The following CP variants were observed in gnomAD, a reference collection of about 807,000 sequenced individuals.
CP encodes caeruloplasmin.
A neutral mutation model predicts 122.4 loss-of-function variants in CP; 64 were observed. The ratio of observed to expected loss-of-function variants is 0.52; its 90% CI spans 0.43 to 0.64. The LOEUF (loss-of-function observed/expected upper bound fraction) is 0.64. Among genes scored for constraint, CP ranks in the 30% least tolerant of loss-of-function variants. The pLI is 0.00. For missense variants in CP, 1,167 were observed against 1,284.4 expected (o/e 0.91, Z 1.40); for synonymous variants, 440 against 436.4 (o/e 1.01, Z -0.10).
At chr3:149,215,085 A>G (rs1411433927) in intron 1 of CP, among the ~76,000 whole-genome samples, 1 of 152,216 alleles carries the variant, frequency 6.6e-6, no homozygotes, top group Non-Finnish European at 1.5e-5. Context: ...TGGAGACTTT[A>G]CTCCATGCTT....
At chr3:149,166,815 A>T (rs1172742086) in intron 4 of CP, among the ~76,000 whole-genome samples, 2 of 152,326 alleles carry the variant, frequency 1.3e-5, no homozygotes, top group East Asian at 3.9e-4. Flanking sequence ...TTTAAAAATG[A>T]TTGCTTTCTA....
At chr3:149,188,268 T>C in intron 9 of CP, 66 bp from the exon 10 acceptor site, 4 of 1,318,704 alleles carry the variant, frequency 3.0e-6, no homozygotes, top group Non-Finnish European at 4.3e-6. Context: ...ATGTGCACAA[T>C]ACTATTTATG....
intron 1 of CP, among the ~76,000 whole-genome samples, chr3:149,221,306 G>C (rs1728793341): frequency 6.6e-6 from 1 of 152,036 alleles, no homozygotes; most frequent in Non-Finnish European, 1.5e-5. Flanking sequence ...CCATTAAATG[G>C]TGCAATAAAC....
chr3:149,168,054 G>A (rs1724607737), downstream of CP: 5 of 920,202 alleles, frequency 5.4e-6, no homozygotes, highest in East Asian at 9.9e-5. Context: ...GCCTTCTTAA[G>A]TATTTTCATG....
intron 9 of CP, 147 bp from the exon 10 acceptor site, chr3:149,188,349 A>G (rs1340117752): frequency 1.5e-6 from 1 of 669,720 alleles, no homozygotes; most frequent in African/African-American, 1.8e-5. Flanking sequence ...GGTTCCTGAA[A>G]TATTTCAGTT....
At chr3:149,213,631 GGTGTGTGTGTGTGTGTGTGTGT>G (rs71135672) in intron 1 of CP, among the ~76,000 whole-genome samples, 1 of 143,748 alleles carries the variant, frequency 7.0e-6, no homozygotes, top group South Asian at 2.3e-4. Flanking sequence ...CATCATCATG[GGTGTGTGTGTGTGTGTGTGTGT>G]GTGTGTGTGT....
At position 149,207,602 on chromosome 3, in the gene CP, G is replaced by C. The variant is rs928461272; in HGVS notation, c.797C>G (p.Thr266Ser). Residue 266 changes from threonine to serine, a missense_variant, in exon 5 of 19, where the codon ACT (threonine) becomes AGT (serine). Thr to Ser is a moderately conservative substitution (Grantham distance 58). Coordinates refer to ENST00000264613, the MANE Select transcript of CP (RefSeq NM_000096.4). ...SNRMYSVNGY[T>S]FGSLPGLSMC... ...GGAGAGTCCTGGGAGACTTCCAAAA[G>C]TGTATCCATTCACAGCTGTAAGTCA... is the stretch of plus-strand genomic sequence containing the variant. 2.4e-5 allele frequency: 39 copies of C among 1,613,900 alleles called. No individual in the cohort carries two copies. Among genetic ancestry groups the C allele is most frequent in the Non-Finnish European group, 3.3e-5 (39 of 1,179,792 alleles).
chr3:149,220,412 C>T (rs948216014), intron 1 of CP, among the ~76,000 whole-genome samples: 1 of 151,706 alleles, frequency 6.6e-6, no homozygotes, highest in African/African-American at 2.4e-5. Context: ...ATACTGAATC[C>T]ATGCAAAATA....
downstream of CP, chr3:149,167,824 C>T (rs1724578490): frequency 6.4e-6 from 6 of 943,324 alleles, no homozygotes; most frequent in Non-Finnish European, 1.1e-5. Flanking sequence ...GCACAATCTT[C>T]TTATTCTCCT....
chr3:149,173,845 A>T, intron 18 of CP, 115 bp from the exon 19 acceptor site: 2 of 532,834 alleles, frequency 3.8e-6, no homozygotes, highest in South Asian at 5.2e-5. Context: ...TGATTCATTT[A>T]TATTTTTCTG....
chr3:149,163,905 T>C (rs755612681), intron 5 of CP: 6 of 1,580,232 alleles, frequency 3.8e-6, no homozygotes, highest in Non-Finnish European at 5.2e-6. Flanking sequence ...ATCATCTGAT[T>C]CTTTAGCTGA....
At chr3:149,219,995 G>A (rs999555167) in intron 1 of CP, among the ~76,000 whole-genome samples, 3 of 152,122 alleles carry the variant, frequency 2.0e-5, no homozygotes, top group Non-Finnish European at 2.9e-5. Context: ...AAATTACTCA[G>A]TCTTGAGTAT....
intron 6 of CP, among the ~76,000 whole-genome samples, chr3:149,205,529 G>A (rs1727650940): frequency 6.6e-6 from 1 of 151,668 alleles, no homozygotes; most frequent in African/African-American, 2.4e-5. Flanking sequence ...AACAAAATAT[G>A]GTATATACAT....
chr3:149,167,218 A>G, intron 4 of CP: 1 of 1,613,480 alleles, frequency 6.2e-7, no homozygotes, highest in South Asian at 1.1e-5. Context: ...TATGCTAATC[A>G]TGAACTGAAA....
chr3:149,177,663 T>A, intron 17 of CP, 177 bp downstream of exon 17: 1 of 712,972 alleles, frequency 1.4e-6, no homozygotes. Context: ...GTGGAATTAT[T>A]TTTTCCTGAA....
chr3:149,162,513 A>G (rs753392809), exon 6 of CP: 8 of 909,296 alleles, frequency 8.8e-6, no homozygotes, highest in Admixed American at 6.1e-5. Flanking sequence ...CTTTATTTGT[A>G]CATCCTAGAA....
intron 9 of CP, among the ~76,000 whole-genome samples, chr3:149,192,648 CAA>C (rs1726614446): frequency 6.6e-6 from 1 of 150,918 alleles, no homozygotes; most frequent in African/African-American, 2.4e-5. Context: ...TTATACATAA[CAA>C]AGATAATATG....
In CP at chr3:149,176,333, G is replaced by A. The variant is rs1466257935; in HGVS notation, c.3098C>T (p.Pro1033Leu). 3.1e-6 allele frequency: 5 copies of A among 1,612,830 alleles called. No homozygotes were observed. In the African/African-American group the frequency reaches 5.3e-5, roughly 17 times the overall value. The change falls in exon 18 of 19, where the codon CCT (proline) becomes CTT (leucine). Residue 1033 changes from proline to leucine, a missense_variant. Pro to Leu is a moderately conservative substitution (Grantham distance 98). Coordinates refer to ENST00000264613, the MANE Select transcript of CP (RefSeq NM_000096.4). ...YQTLEMFPRT[P>L]GIWLLHCHVT... ...ATGGCAGTGGAGTAACCAAATTCCA[G>A]GTGTTCTTGGAAACATTTCTAGGGT...
chr3:149,199,133 A>C (rs1316677583), intron 8 of CP, among the ~76,000 whole-genome samples: 2 of 152,236 alleles, frequency 1.3e-5, no homozygotes, highest in South Asian at 4.1e-4. Context: ...GTGTAAAAAT[A>C]GTCAAAAAAT....
Sources: gnomAD v4.1 joint callset for allele counts (sites outside exome capture counted in the v4.1 genomes callset) on GRCh38, gnomAD v4.1.1 for gene constraint, MANE v1.5 for transcripts, NCBI Gene and HGNC (gene_info 2026-07-23, HGNC 2026-07-21) for gene names.